The following NUP210L variants were observed in gnomAD, a reference collection of about 807,000 sequenced individuals.
The protein encoded by NUP210L is nuclear pore membrane glycoprotein 210-like.
In NUP210L, 74 loss-of-function variants were observed where a neutral mutation model predicts 208.5. The ratio of observed to expected loss-of-function variants is 0.35; its 90% CI spans 0.29 to 0.43. NUP210L has a LOEUF of 0.43. Ranked by LOEUF, NUP210L falls within the 20% of genes least tolerant of loss-of-function variation. The probability of loss-of-function intolerance (pLI) is 1.00; values close to 1 mark genes in which losing one functional copy is unlikely to be tolerated. For missense variants in NUP210L, 1,843 were observed against 2,289.4 expected, an observed-to-expected ratio of 0.81 and a Z score of 3.98; for synonymous variants, 780 against 816.9, an observed-to-expected ratio of 0.95 and a Z score of 0.77.
chr1:154,103,991 A>G (rs1414424429), intron 13 of NUP210L, 21 bp downstream of exon 13: 11 of 1,562,350 alleles, frequency 7.0e-6, no homozygotes, highest in Non-Finnish European at 9.6e-6. Context: ...AGGAAGGAGA[A>G]GATAAAAAGG....
At chr1:154,071,067 A>G (rs1026403551) in intron 16 of NUP210L, among the ~76,000 whole-genome samples, 8 of 148,776 alleles carry the variant, frequency 5.4e-5, no homozygotes, top group Non-Finnish European at 1.2e-4. Flanking sequence ...TGTAAAGTCC[A>G]GGCCAGTTTT....
chr1:154,037,115 T>G (rs778654703), intron 27 of NUP210L, among the ~76,000 whole-genome samples: 8 of 152,198 alleles, frequency 5.3e-5, no homozygotes, highest in East Asian at 1.9e-4. Context: ...ATATTGTCTA[T>G]TCTTGAGAAT....
At chr1:154,093,081 G>T (rs1048078359) in intron 15 of NUP210L, among the ~76,000 whole-genome samples, 2 of 152,080 alleles carry the variant, frequency 1.3e-5, no homozygotes, top group African/African-American at 4.8e-5. Context: ...GCCTGCACAA[G>T]ATTATGAATG....
intron 12 of NUP210L, among the ~76,000 whole-genome samples, chr1:154,117,183 C>T (rs1469210793): frequency 2.6e-5 from 4 of 152,074 alleles, no homozygotes; most frequent in African/African-American, 9.7e-5. Context: ...TAATAACCTT[C>T]GAGGTGGATA....
intron 16 of NUP210L, among the ~76,000 whole-genome samples, chr1:154,082,851 C>A (rs1274204229): frequency 6.6e-6 from 1 of 152,042 alleles, no homozygotes; most frequent in Non-Finnish European, 1.5e-5. Flanking sequence ...TGGACTTGGT[C>A]ATTCCTCCCA....
chr1:154,091,308 C>G (rs548899437), intron 15 of NUP210L, among the ~76,000 whole-genome samples: 1 of 151,514 alleles, frequency 6.6e-6, no homozygotes, highest in East Asian at 1.9e-4. Flanking sequence ...GTTGGCCAGG[C>G]TGATCTCGAA....
intron 16 of NUP210L, among the ~76,000 whole-genome samples, chr1:154,084,251 G>A (rs915225835): frequency 1.4e-5 from 2 of 139,958 alleles, no homozygotes; most frequent in Non-Finnish European, 3.1e-5. Context: ...TTGCTTTGTT[G>A]CCCAAACTGG....
exon 25 of NUP210L, chr1:154,054,312 T>C (rs375097363): frequency 3.4e-5 from 55 of 1,614,246 alleles, no homozygotes; most frequent in African/African-American, 2.9e-4. Flanking sequence ...CAATCTTCCC[T>C]GTAACTTGCC....
intron 12 of NUP210L, among the ~76,000 whole-genome samples, chr1:154,116,121 G>A (rs1451123399): frequency 6.6e-6 from 1 of 152,020 alleles, no homozygotes; most frequent in Non-Finnish European, 1.5e-5. Flanking sequence ...CGGGCATGGT[G>A]GCACATGCCT....
chr1:154,010,268 T>A, intron 34 of NUP210L, 147 bp from the exon 35 acceptor site: 1 of 651,208 alleles, frequency 1.5e-6, no homozygotes, highest in South Asian at 2.2e-5. Context: ...TCTGCTTCAA[T>A]CAAGGTGAAA....
At chr1:154,086,102 C>A (rs544382730) in intron 16 of NUP210L, among the ~76,000 whole-genome samples, 1 of 151,592 alleles carries the variant, frequency 6.6e-6, no homozygotes, top group South Asian at 2.1e-4. Context: ...ATTCCAGCTA[C>A]TGGGGAGGCT....
chr1:154,056,962 G>C lies in NUP210L; in HGVS notation c.3108-15C>G. On this transcript the variant is annotated splice_polypyrimidine_tract_variant and intron_variant, in intron 22 of 39. Transcript: ENST00000368559. ...GCTCCATTGGTCTGCAAAAACCCAT[G>C]TATTTTCAGGTGAGAAAGATTTTTG... 1 of 1,604,254 alleles carries C rather than the reference G, an allele frequency of 6.2e-7. No individual in the cohort carries two copies. Among genetic ancestry groups the C allele is most frequent in the South Asian group, 1.1e-5 (1 of 89,146 alleles).
intron 3 of NUP210L, among the ~76,000 whole-genome samples, chr1:154,142,849 A>G (rs938408536): frequency 6.6e-6 from 1 of 151,464 alleles, no homozygotes; most frequent in African/African-American, 2.4e-5. Context: ...AGATCGCACC[A>G]CTGCACTTGA....
At chr1:154,044,574 ATTTTTAGAAAGATTACAAAT>A (rs897393104) in intron 27 of NUP210L, among the ~76,000 whole-genome samples, 20 of 152,132 alleles carry the variant, frequency 1.3e-4, no homozygotes, top group African/African-American at 4.1e-4. Flanking sequence ...GGTTAAGGAT[ATTTTTAGAAAGATTACAAAT>A]TTTTTTTTAC....
At chr1:154,130,313 C>G (rs968912476) in intron 7 of NUP210L, among the ~76,000 whole-genome samples, 1 of 151,980 alleles carries the variant, frequency 6.6e-6, no homozygotes, top group Non-Finnish European at 1.5e-5. Flanking sequence ...CACTCTGTCA[C>G]CCAGGCTAGA....
intron 33 of NUP210L, among the ~76,000 whole-genome samples, chr1:154,012,781 C>T (rs1275206777): frequency 1.3e-5 from 2 of 150,996 alleles, no homozygotes; most frequent in East Asian, 3.9e-4. Flanking sequence ...AGGCGGGCGG[C>T]TCACCTGGGG....
chr1:154,004,697 A>G (rs1650408615), intron 35 of NUP210L, among the ~76,000 whole-genome samples: 1 of 151,942 alleles, frequency 6.6e-6, no homozygotes, highest in Admixed American at 6.6e-5. Context: ...CCCAGGCTGT[A>G]GTGCAGTGGT....
At chr1:154,089,683 T>G (rs1655805676) in intron 15 of NUP210L, 89 bp from the exon 16 acceptor site, 6 of 1,093,662 alleles carry the variant, frequency 5.5e-6, no homozygotes, top group Non-Finnish European at 8.3e-6. Context: ...TTATTCAAAT[T>G]CCAGTATAGA....
intron 27 of NUP210L, among the ~76,000 whole-genome samples, chr1:154,036,313 CATGTGT>C (rs1371877464): frequency 0.015 from 1,514 of 104,098 alleles, 30 homozygotes; most frequent in East Asian, 0.094. Context: ...ACAGTTGGAA[CATGTGT>C]GTGTGTGTGT....
Sources: allele counts gnomAD v4.1 joint callset (sites outside exome capture counted in the v4.1 genomes callset), GRCh38; gene constraint gnomAD v4.1.1; transcripts MANE v1.5; gene names NCBI Gene and HGNC (gene_info 2026-07-23, HGNC 2026-07-21).